Variants in ADK observed in about 807,000 individuals in gnomAD.
ADK encodes adenosine kinase, also known as N6,N6-dimethyladenosine kinase.
A neutral mutation model predicts 44.7 loss-of-function variants in ADK; 24 were observed. The ratio of observed to expected loss-of-function variants is 0.54; its 90% CI spans 0.39 to 0.76. The LOEUF (loss-of-function observed/expected upper bound fraction) is 0.76, where lower values mean the gene tolerates loss of function less well. Among genes scored for constraint, ADK ranks in the 30% least tolerant of loss-of-function variants. The pLI is 0.00. For missense variants in ADK, 321 were observed against 425.1 expected, an observed-to-expected ratio of 0.76 and a Z score of 2.15; for synonymous variants, 128 against 142.6, an observed-to-expected ratio of 0.90 and a Z score of 0.73.
At chr10:74,326,685 T>C (rs1328169726) in intron 4 of ADK, among the ~76,000 whole-genome samples, 1 of 152,148 alleles carries the variant, frequency 6.6e-6, no homozygotes, top group East Asian at 1.9e-4. Context: ...TTTTCTTTTT[T>C]CTTTGATGGG....
intron 9 of ADK, among the ~76,000 whole-genome samples, chr10:74,636,648 T>C (rs1370810774): frequency 3.3e-5 from 5 of 152,178 alleles, no homozygotes; most frequent in Non-Finnish European, 7.3e-5. Context: ...TCACAACATA[T>C]GAAATGTAGA....
intron 10 of ADK, among the ~76,000 whole-genome samples, chr10:74,674,639 T>C (rs1330606494): frequency 2.6e-5 from 4 of 152,130 alleles, no homozygotes; most frequent in Admixed American, 2.6e-4. Flanking sequence ...CCCAGCACTT[T>C]GGGAGGCCGA....
intron 5 of ADK, among the ~76,000 whole-genome samples, chr10:74,395,615 G>A (rs1448841928): frequency 1.3e-5 from 2 of 152,104 alleles, no homozygotes; most frequent in African/African-American, 4.8e-5. Flanking sequence ...GCCTTAATCT[G>A]TAGGTGCAAA....
intron 7 of ADK, among the ~76,000 whole-genome samples, chr10:74,556,062 G>A (rs959025616): frequency 9.9e-5 from 15 of 152,184 alleles, no homozygotes; most frequent in African/African-American, 3.6e-4. Flanking sequence ...TAAAAGGAGT[G>A]AAGGTTTATT....
chr10:74,554,969 G>A (rs1478558290), intron 7 of ADK, among the ~76,000 whole-genome samples: 2 of 152,024 alleles, frequency 1.3e-5, no homozygotes, highest in Admixed American at 6.6e-5. Context: ...AAGATATAAT[G>A]TGAAATTTGG....
At chr10:74,556,171 T>C (rs1444010899) in intron 7 of ADK, among the ~76,000 whole-genome samples, 2 of 152,232 alleles carry the variant, frequency 1.3e-5, no homozygotes, top group Non-Finnish European at 2.9e-5. Context: ...ATTACTTATA[T>C]ATTGACAACT....
At chr10:74,526,517 A>G (rs1053967223) in intron 7 of ADK, among the ~76,000 whole-genome samples, 2 of 152,208 alleles carry the variant, frequency 1.3e-5, no homozygotes, top group Non-Finnish European at 2.9e-5. Flanking sequence ...TTCTGATTCT[A>G]ATTCCATAGT....
chr10:74,365,760 T>G (rs1462033278), intron 4 of ADK, among the ~76,000 whole-genome samples: 1 of 152,128 alleles, frequency 6.6e-6, no homozygotes, highest in Non-Finnish European at 1.5e-5. Flanking sequence ...TAATTCTATA[T>G]TTAACTTTTT....
chr10:74,517,608 G>A (rs1183136688), intron 6 of ADK, among the ~76,000 whole-genome samples: 1 of 151,458 alleles, frequency 6.6e-6, no homozygotes, highest in African/African-American at 2.4e-5. Flanking sequence ...AGGATCACCT[G>A]AGCCCAGGAG....
rs768341176 is a variant in ADK, at chr10:74,499,893, G to A, written c.556-25363G>A. On this transcript the variant is annotated intron_variant, in intron 6 of 10. Transcript: ENST00000539909. ...TTTTTAGGTTGTCTCACTAATTATG[G>A]AACAATGGCAGGGATGTGTATGAAA... is the stretch of plus-strand genomic sequence containing the variant. 2.8e-4 allele frequency among the ~76,000 whole-genome samples: 43 copies of A among 152,134 alleles called. 1 individual carries two copies. Among genetic ancestry groups the A allele is most frequent in the South Asian group, 1.0e-3 (5 of 4,814 alleles).
At chr10:74,224,680 A>G in intron 3 of ADK, 89 bp downstream of exon 3, 3 of 1,044,276 alleles carry the variant, frequency 2.9e-6, no homozygotes, top group South Asian at 2.7e-5. Flanking sequence ...TTTCAAAATT[A>G]TATAATGACA....
chr10:74,478,223 A>G (rs1288117529), intron 6 of ADK, among the ~76,000 whole-genome samples: 2 of 152,072 alleles, frequency 1.3e-5, no homozygotes, highest in African/African-American at 4.8e-5. Flanking sequence ...TTAGAACTGT[A>G]TTTATTTATT....
intron 7 of ADK, among the ~76,000 whole-genome samples, chr10:74,539,672 C>T (rs987959311): frequency 4.6e-5 from 7 of 151,844 alleles, no homozygotes; most frequent in African/African-American, 7.3e-5. Flanking sequence ...GAAACTTTAT[C>T]GGAGGATATA....
At chr10:74,404,698 C>T (rs983445103) in intron 6 of ADK, among the ~76,000 whole-genome samples, 3 of 152,026 alleles carry the variant, frequency 2.0e-5, no homozygotes, top group African/African-American at 7.2e-5. Context: ...TAAGATTTTT[C>T]ATATGAGACC....
intron 1 of ADK, among the ~76,000 whole-genome samples, chr10:74,160,546 C>T (rs1841860636): frequency 6.6e-6 from 1 of 152,176 alleles, no homozygotes; most frequent in African/African-American, 2.4e-5. Flanking sequence ...TGGGCTAAGC[C>T]CCAGTTCTGG....
chr10:74,468,003 C>T (rs894076663), intron 6 of ADK, among the ~76,000 whole-genome samples: 13 of 152,158 alleles, frequency 8.5e-5, no homozygotes, highest in South Asian at 8.3e-4. Context: ...TGGCTATTTC[C>T]GCCTCTTAAC....
At chr10:74,669,908 C>T (rs1458805171) in intron 9 of ADK, among the ~76,000 whole-genome samples, 1 of 152,120 alleles carries the variant, frequency 6.6e-6, no homozygotes, top group Non-Finnish European at 1.5e-5. Context: ...GTACTGCTAC[C>T]ATTTGTAGTC....
intron 2 of ADK, among the ~76,000 whole-genome samples, chr10:74,217,535 A>G (rs903376146): frequency 6.6e-6 from 1 of 152,190 alleles, no homozygotes; most frequent in Non-Finnish European, 1.5e-5. Context: ...CCCAGCACGC[A>G]GCTGGAGATC....
At chr10:74,595,949 A>G (rs1306231286) in intron 8 of ADK, among the ~76,000 whole-genome samples, 1 of 146,748 alleles carries the variant, frequency 6.8e-6, no homozygotes, top group Admixed American at 6.9e-5. Context: ...GTGAGCCAAG[A>G]TCGCACCATT....
Sources: allele counts gnomAD v4.1 joint callset (sites outside exome capture counted in the v4.1 genomes callset), GRCh38; gene constraint gnomAD v4.1.1; transcripts MANE v1.5; gene names NCBI Gene and HGNC (gene_info 2026-07-23, HGNC 2026-07-21).